Variants in MPP7 observed in about 807,000 individuals in gnomAD.
MPP7 encodes the protein MAGUK p55 subfamily member 7.
MPP7 carries 60 observed loss-of-function variants against 76.5 expected under a neutral mutation model. The ratio of observed to expected loss-of-function variants is 0.78; its 90% CI spans 0.64 to 0.97. The LOEUF (loss-of-function observed/expected upper bound fraction) is 0.97. Among genes scored for constraint, MPP7 ranks in the 50% least tolerant of loss-of-function variants. The pLI is 0.00. For synonymous variants in MPP7, 237 were observed against 244.5 expected (o/e 0.97, Z 0.29); for missense variants, 641 against 694.0 (o/e 0.92, Z 0.86).
At chr10:28,102,714 T>G (rs757670362) in intron 11 of MPP7, among the ~76,000 whole-genome samples, 1 of 152,178 alleles carries the variant, frequency 6.6e-6, no homozygotes, top group Non-Finnish European at 1.5e-5. Flanking sequence ...GTTTGCCACT[T>G]TGTAGGGAAA....
chr10:28,085,750 A>G (rs1447084636), intron 12 of MPP7, among the ~76,000 whole-genome samples: 1 of 152,180 alleles, frequency 6.6e-6, no homozygotes, highest in Non-Finnish European at 1.5e-5. Flanking sequence ...AGAATCAGGA[A>G]TCAAACTTAA....
At chr10:28,151,709 T>C (rs1021063534) in intron 3 of MPP7, among the ~76,000 whole-genome samples, 7 of 152,334 alleles carry the variant, frequency 4.6e-5, no homozygotes, top group African/African-American at 1.7e-4. Flanking sequence ...CATCTCATTT[T>C]ACAGATAAAT....
At chr10:28,319,997 C>A (rs1461046327) in intron 2 of MPP7, among the ~76,000 whole-genome samples, 1 of 152,060 alleles carries the variant, frequency 6.6e-6, no homozygotes, top group Non-Finnish European at 1.5e-5. Flanking sequence ...CCAAATTATT[C>A]TTTCGGTGCC....
chr10:28,124,161 C>CA, intron 7 of MPP7, 45 bp from the exon 8 acceptor site: 1 of 1,274,836 alleles, frequency 7.8e-7, no homozygotes, highest in Non-Finnish European at 1.1e-6. Flanking sequence ...TACCCACAAC[C>CA]AAAACTGTAA....
chr10:28,280,137 A>G (rs1299686073), intron 1 of MPP7: 1 of 152,092 alleles, frequency 6.6e-6, no homozygotes, highest in East Asian at 1.9e-4. Context: ...CAAGACTGCT[A>G]TACCTAACAG....
rs375343423 is a variant in MPP7, at chr10:28,313,764, G to A, written c.-132+16165C>T. On this transcript the variant is annotated intron_variant, in intron 2 of 11. Coordinates refer to the MPP7 transcript ENST00000441595. Reference sequence around the variant, plus strand: ...TACAGTGGCACAATCTTGGCTCACCGCAGCCTGAACTTCCTGGGTTCTGTT... The same window carrying A: ...TACAGTGGCACAATCTTGGCTCACCACAGCCTGAACTTCCTGGGTTCTGTT... 3.8e-4 allele frequency among the ~76,000 whole-genome samples: 58 copies of A among 151,608 alleles called. 1 individual carries two copies. Among genetic ancestry groups the A allele is most frequent in the East Asian group, 1.9e-3 (10 of 5,158 alleles).
chr10:28,284,309 T>G (rs1840746612), intron 1 of MPP7, among the ~76,000 whole-genome samples: 1 of 152,200 alleles, frequency 6.6e-6, no homozygotes, highest in Non-Finnish European at 1.5e-5. Context: ...TTATATAATC[T>G]TCTGTTGTCT....
At chr10:28,134,176 C>A (rs887659902) in intron 5 of MPP7, among the ~76,000 whole-genome samples, 5 of 152,170 alleles carry the variant, frequency 3.3e-5, no homozygotes, top group African/African-American at 1.2e-4. Flanking sequence ...CTAACATGAT[C>A]CCAAACATTT....
At chr10:28,222,320 G>A (rs913569393) in intron 2 of MPP7, among the ~76,000 whole-genome samples, 5 of 151,850 alleles carry the variant, frequency 3.3e-5, no homozygotes, top group African/African-American at 1.2e-4. Flanking sequence ...GTAATATGGT[G>A]AGACCCCATC....
In MPP7 at chr10:28,211,886, T is replaced by C. The variant is rs185168287; in HGVS notation, c.38-9615A>G. Reference sequence around the variant, plus strand: ...GGCAAACACGAGAAGGAGCTTCACTTTTACTTTAGAGTGAAAGAGCCACTG... The same window carrying C: ...GGCAAACACGAGAAGGAGCTTCACTCTTACTTTAGAGTGAAAGAGCCACTG... On this transcript the variant is annotated intron_variant, in intron 2 of 16. Coordinates refer to ENST00000683449, the MANE Select transcript of MPP7 (RefSeq NM_001318170.2). Among the ~76,000 whole-genome samples the C allele has an allele frequency of 3.9e-5, 6 of 152,108 alleles. No individual in the cohort carries two copies. The East Asian group carries it at 1.2e-3, about 30-fold the overall frequency.
At chr10:28,112,068 A>C (rs963903376) in intron 11 of MPP7, among the ~76,000 whole-genome samples, 1 of 152,234 alleles carries the variant, frequency 6.6e-6, no homozygotes, top group Non-Finnish European at 1.5e-5. Context: ...ATTAGCAAAT[A>C]TCACAAGCAA....
At chr10:28,072,258 A>C (rs972223329) in intron 12 of MPP7, among the ~76,000 whole-genome samples, 1 of 152,192 alleles carries the variant, frequency 6.6e-6, no homozygotes, top group Non-Finnish European at 1.5e-5. Flanking sequence ...TGGGCGACAG[A>C]GCGAGACTCT....
chr10:28,113,143 A>G (rs559787295), intron 11 of MPP7, among the ~76,000 whole-genome samples: 10 of 152,286 alleles, frequency 6.6e-5, no homozygotes, highest in African/African-American at 2.2e-4. Flanking sequence ...CAGTCACAGC[A>G]TAACTCCACG....
At chr10:28,173,990 C>T (rs1235892654) in intron 3 of MPP7, among the ~76,000 whole-genome samples, 3 of 152,140 alleles carry the variant, frequency 2.0e-5, no homozygotes, top group African/African-American at 7.2e-5. Context: ...AAAGAGCAGA[C>T]GGTCCAGAAA....
At chr10:28,080,080 G>A (rs554600419) in intron 12 of MPP7, among the ~76,000 whole-genome samples, 162 of 140,324 alleles carry the variant, frequency 1.2e-3, no homozygotes, top group African/African-American at 4.1e-3. Flanking sequence ...GGGGAGGGAG[G>A]GAGAGGGGAG....
intron 2 of MPP7, among the ~76,000 whole-genome samples, chr10:28,313,870 TTTTTTA>T (rs1408421312): frequency 0.094 from 9,440 of 100,444 alleles, 1,016 homozygotes; most frequent in African/African-American, 0.18. Flanking sequence ...TTTTTTTATT[TTTTTTA>T]TTTTTTTTTG....
intron 1 of MPP7, among the ~76,000 whole-genome samples, chr10:28,270,660 G>A (rs868344460): frequency 1.2e-4 from 18 of 151,924 alleles, no homozygotes; most frequent in African/African-American, 2.9e-4. Context: ...CTCTATCCTC[G>A]TTTTCTTAAA....
At chr10:28,153,008 C>A (rs1461026952) in intron 3 of MPP7, among the ~76,000 whole-genome samples, 1 of 152,124 alleles carries the variant, frequency 6.6e-6, no homozygotes, top group African/African-American at 2.4e-5. Context: ...AATCCCAGCA[C>A]TTTAGGAGGC....
chr10:28,316,849 C>T (rs933885660), intron 2 of MPP7, among the ~76,000 whole-genome samples: 3 of 152,158 alleles, frequency 2.0e-5, no homozygotes, highest in Admixed American at 6.6e-5. Context: ...GCTCTGTCCT[C>T]TGTCAGGCTT....
Sources: gnomAD v4.1 joint callset for allele counts (sites outside exome capture counted in the v4.1 genomes callset) on GRCh38, gnomAD v4.1.1 for gene constraint, MANE v1.5 for transcripts, NCBI Gene and HGNC (gene_info 2026-07-23, HGNC 2026-07-21) for gene names.